The following CDC14B variants were observed in gnomAD, a reference collection of about 807,000 sequenced individuals.
The protein encoded by CDC14B is cell division cycle 14B, also known as dual specificity protein phosphatase CDC14B.
CDC14B carries 22 observed loss-of-function variants against 64.2 expected under a neutral mutation model. That is an observed-to-expected ratio of 0.34 (90% CI 0.24 to 0.49). The LOEUF is 0.49. CDC14B is among the 20% of genes least tolerant of loss of function. The probability of loss-of-function intolerance (pLI) is 0.99; values close to 1 mark genes in which losing one functional copy is unlikely to be tolerated. For synonymous variants in CDC14B, 191 were observed against 215.8 expected, an observed-to-expected ratio of 0.89 and a Z score of 1.01; for missense variants, 498 against 629.9, an observed-to-expected ratio of 0.79 and a Z score of 2.24.
intron 13 of CDC14B, among the ~76,000 whole-genome samples, chr9:96,508,084 T>C (rs1437945478): frequency 6.6e-6 from 1 of 151,864 alleles, no homozygotes; most frequent in Non-Finnish European, 1.5e-5. Context: ...GGTGTGATCA[T>C]GACTCACTGA....
intron 4 of CDC14B, among the ~76,000 whole-genome samples, chr9:96,559,450 G>A (rs1230491578): frequency 6.6e-6 from 1 of 152,116 alleles, no homozygotes; most frequent in East Asian, 1.9e-4. Flanking sequence ...TCAAGGATGC[G>A]GATCAGTTTA....
chr9:96,535,667 A>T (rs1378211017), intron 7 of CDC14B, among the ~76,000 whole-genome samples: 1 of 152,210 alleles, frequency 6.6e-6, no homozygotes, highest in Non-Finnish European at 1.5e-5. Flanking sequence ...AAAAATGAGT[A>T]AAAAATAACA....
In CDC14B at chr9:96,605,946, C is replaced by T. The variant is rs146140280; in HGVS notation, c.160+13273G>A. 2.8e-3 allele frequency among the ~76,000 whole-genome samples: 432 copies of T among 152,002 alleles called. 3 individuals carry two copies. The highest frequency in any genetic ancestry group is 9.9e-3 in the African/African-American group (410 of 41,358). On this transcript the variant is annotated intron_variant, in intron 1 of 13. Transcript: ENST00000375241. Reference sequence around the variant, plus strand: ...GTGTTATGTTCAATGGGATGTGTAACAGGTACACAAAAAATTGGCTTTTTC... The same window carrying T: ...GTGTTATGTTCAATGGGATGTGTAATAGGTACACAAAAAATTGGCTTTTTC...
intron 1 of CDC14B, among the ~76,000 whole-genome samples, chr9:96,612,436 AC>A (rs1329010761): frequency 3.3e-5 from 5 of 152,330 alleles, no homozygotes; most frequent in African/African-American, 1.2e-4. Flanking sequence ...CAAGCCAGGC[AC>A]TTCATATGCA....
At chr9:96,556,444 G>A (rs998737430) in intron 4 of CDC14B, among the ~76,000 whole-genome samples, 8 of 151,920 alleles carry the variant, frequency 5.3e-5, no homozygotes, top group Non-Finnish European at 7.4e-5. Flanking sequence ...AAAAAGGTGA[G>A]CAGAGGAAAG....
chr9:96,504,941 G>A (rs1009009983), intron 13 of CDC14B, among the ~76,000 whole-genome samples: 1 of 152,158 alleles, frequency 6.6e-6, no homozygotes, highest in Admixed American at 6.5e-5. Context: ...TTGAGAGGCC[G>A]AGGCAGGCAG....
intron 4 of CDC14B, among the ~76,000 whole-genome samples, chr9:96,553,947 C>T (rs1242175200): frequency 2.0e-5 from 3 of 152,060 alleles, no homozygotes; most frequent in East Asian, 1.9e-4. Context: ...AGGCAGATCA[C>T]GAGGTCAGGA....
At chr9:96,550,362 G>A (rs75898133) in intron 5 of CDC14B, among the ~76,000 whole-genome samples, 2,315 of 152,266 alleles carry the variant, frequency 0.015, 65 homozygotes, top group African/African-American at 0.053. Flanking sequence ...TCTTCAGACT[G>A]CCCTGACAAA....
At chr9:96,531,020 C>T (rs1376610927) in intron 9 of CDC14B, among the ~76,000 whole-genome samples, 1 of 152,156 alleles carries the variant, frequency 6.6e-6, no homozygotes, top group Non-Finnish European at 1.5e-5. Flanking sequence ...GGCACACAAT[C>T]CTTTTAAATA....
At chr9:96,582,072 G>A (rs1219380812) in intron 1 of CDC14B, among the ~76,000 whole-genome samples, 17 of 152,144 alleles carry the variant, frequency 1.1e-4, no homozygotes, top group Admixed American at 2.0e-4. Flanking sequence ...CCTGTTTTAC[G>A]ACAAAGGGCC....
chr9:96,549,663 A>T (rs1048913573), intron 5 of CDC14B, among the ~76,000 whole-genome samples: 44 of 129,328 alleles, frequency 3.4e-4, no homozygotes, highest in Non-Finnish European at 2.9e-4. Flanking sequence ...GACTCCGTCT[A>T]AAAAAAAAAA....
Position 96,502,568 on chromosome 9 carries a change from C to G in CDC14B, c.*1185G>C. 2 of 255,820 alleles carry G rather than the reference C, an allele frequency of 7.8e-6. No individual in the cohort carries two copies. Among genetic ancestry groups the G allele is most frequent in the Non-Finnish European group, 1.4e-5 (2 of 139,814 alleles). The allele number at this position is 255,820 out of a possible 1,614,324, so 15.8% of individuals were successfully genotyped here. ...CTTATGGAAGGAACTGAGGTGAGTA[C>G]TATATATTCTTTTATTTCGGGCCCC... On this transcript the variant is annotated 3_prime_UTR_variant, in exon 14 of 14. Coordinates refer to ENST00000375241, the MANE Select transcript of CDC14B (RefSeq NM_033331.4).
chr9:96,608,459 C>T (rs1263856026), intron 1 of CDC14B, among the ~76,000 whole-genome samples: 2 of 151,354 alleles, frequency 1.3e-5, no homozygotes, highest in African/African-American at 4.8e-5. Flanking sequence ...AAACTGAGAA[C>T]AACTCCCCAA....
At chr9:96,571,188 T>TC (rs1180173687) in intron 1 of CDC14B, among the ~76,000 whole-genome samples, 1 of 152,022 alleles carries the variant, frequency 6.6e-6, no homozygotes, top group African/African-American at 2.4e-5. Flanking sequence ...AATTTTTTTT[T>TC]TTTTTTGAGA....
chr9:96,541,770 T>G lies in CDC14B; in HGVS notation c.564+56A>C, dbSNP rs1840091738. On this transcript the variant is annotated intron_variant, in intron 6 of 13. Transcript: ENST00000375241. ...TCTCGGGAAGAAGGCCTAGTTTTCT[T>G]GGACCGCATGTTAGTTCCTCAACAC... 15 of 1,256,108 alleles carry G rather than the reference T, an allele frequency of 1.2e-5. No homozygotes were observed. The South Asian group carries it at 2.5e-4, about 21-fold the overall frequency. The allele number at this position is 1,256,108 out of a possible 1,614,324, so 77.8% of individuals were successfully genotyped here. A position where few individuals can be genotyped will look rare whatever the true frequency, so the allele number is the denominator to read the frequency against.
intron 13 of CDC14B, among the ~76,000 whole-genome samples, chr9:96,493,937 G>A (rs1293096819): frequency 6.6e-6 from 1 of 152,208 alleles, no homozygotes; most frequent in Non-Finnish European, 1.5e-5. Flanking sequence ...GCTGCCTCCA[G>A]GCGCTCCCCT....
At chr9:96,495,171 G>A (rs1407885736), downstream of CDC14B, among the ~76,000 whole-genome samples, 17 of 152,108 alleles carry the variant, frequency 1.1e-4, no homozygotes, top group Non-Finnish European at 1.5e-5. Context: ...CAATCCCAGA[G>A]GGCTGAATTA....
At chr9:96,579,173 T>C (rs1844987349) in intron 1 of CDC14B, among the ~76,000 whole-genome samples, 1 of 152,094 alleles carries the variant, frequency 6.6e-6, no homozygotes, top group Non-Finnish European at 1.5e-5. Flanking sequence ...TGGACTGAAT[T>C]GTGTCCCTAA....
In CDC14B at chr9:96,551,851, G is replaced by A; in HGVS notation, c.442C>T (p.Pro148Ser). Residue 148 changes from proline to serine, a missense_variant, in exon 5 of 14, where the codon CCA (proline) becomes TCA (serine). Pro to Ser is a moderately conservative substitution (Grantham distance 74). Coordinates refer to ENST00000375241, the MANE Select transcript of CDC14B (RefSeq NM_033331.4). The stretch of plus-strand genomic sequence containing the variant: ...ATTAATATTCTATATGCTTCTTCTG[G>A]GGTTCTCCCCAAATATATAACCTAT... The part of the protein sequence containing the change: ...CYMVIYLGRT[P>S]EEAYRILIFG... 1 of 1,607,608 alleles carries A rather than the reference G, an allele frequency of 6.2e-7. No homozygotes were observed. The highest frequency in any genetic ancestry group is 1.1e-5 in the South Asian group (1 of 89,670).
Sources: gnomAD v4.1 joint callset for allele counts (sites outside exome capture counted in the v4.1 genomes callset) on GRCh38, gnomAD v4.1.1 for gene constraint, MANE v1.5 for transcripts, NCBI Gene and HGNC (gene_info 2026-07-23, HGNC 2026-07-21) for gene names.